The following BCL2 variants were observed in gnomAD, a reference collection of about 807,000 sequenced individuals.
BCL2 encodes the protein apoptosis regulator Bcl-2.
A neutral mutation model predicts 14.2 loss-of-function variants in BCL2; 1 was observed. The observed-to-expected ratio is 0.07, with a 90% confidence interval of 0.02 to 0.33. BCL2 has a LOEUF of 0.33. BCL2 is among the 10% of genes least tolerant of loss of function. The probability of loss-of-function intolerance (pLI) is 0.99; values close to 1 mark genes in which losing one functional copy is unlikely to be tolerated. For synonymous variants in BCL2, 151 were observed against 137.2 expected (o/e 1.10, Z -0.70); for missense variants, 247 against 305.9 (o/e 0.81, Z 1.44).
intron 2 of BCL2, among the ~76,000 whole-genome samples, chr18:63,254,554 T>TAA (rs1163112806): frequency 6.8e-6 from 1 of 146,112 alleles, no homozygotes; most frequent in Non-Finnish European, 1.5e-5. Flanking sequence ...GACCCTGCCT[T>TAA]AAAAAAAAAA....
At chr18:63,210,999 G>A (rs759579366) in intron 2 of BCL2, among the ~76,000 whole-genome samples, 5 of 149,728 alleles carry the variant, frequency 3.3e-5, no homozygotes, top group Admixed American at 6.6e-5. Flanking sequence ...CTTGCTTTCC[G>A]CCCTGAATCT....
At chr18:63,168,135 G>A (rs931681166) in intron 2 of BCL2, among the ~76,000 whole-genome samples, 2 of 152,206 alleles carry the variant, frequency 1.3e-5, no homozygotes, top group Non-Finnish European at 2.9e-5. Flanking sequence ...AGGCAGAGGG[G>A]CCTATTGGAG....
Position 63,123,912 on chromosome 18 carries a change from C to A in BCL2, c.*4713G>T, listed in dbSNP as rs1376026145. ...CACTACAGTCTTATTTATTAATAGT[C>A]TCAGAATTTTCTTGATTGAGCGAGC... On this transcript the variant is annotated 3_prime_UTR_variant, in exon 3 of 3. Transcript: ENST00000333681. 2 of 218,934 alleles carry A rather than the reference C, an allele frequency of 9.1e-6. No homozygotes were observed. The highest frequency in any genetic ancestry group is 1.8e-5 in the Non-Finnish European group (2 of 109,030). The allele number at this position is 218,934 out of a possible 1,614,324, so 13.6% of individuals were successfully genotyped here.
chr18:63,150,468 C>T (rs1350926520), intron 2 of BCL2, among the ~76,000 whole-genome samples: 4 of 152,164 alleles, frequency 2.6e-5, no homozygotes, highest in Non-Finnish European at 4.4e-5. Context: ...TTATTGCTAA[C>T]GTACGTCTTC....
At chr18:63,317,721 C>T in intron 2 of BCL2, 1 of 1,121,858 alleles carries the variant, frequency 8.9e-7, no homozygotes, top group Non-Finnish European at 1.1e-6. Context: ...AAACCTCCCT[C>T]CGGTTCCAAC....
intron 2 of BCL2, among the ~76,000 whole-genome samples, chr18:63,194,952 T>C (rs1338674017): frequency 6.6e-6 from 1 of 152,210 alleles, no homozygotes; most frequent in Non-Finnish European, 1.5e-5. Flanking sequence ...GAAGAGCCAG[T>C]GGTGGCAGGC....
chr18:63,195,880 C>T (rs919775146), intron 2 of BCL2, among the ~76,000 whole-genome samples: 5 of 152,078 alleles, frequency 3.3e-5, no homozygotes, highest in African/African-American at 4.8e-5. Flanking sequence ...CTTTGTCAGA[C>T]GACGTGTCTT....
At chr18:63,284,546 C>T (rs893592705) in intron 2 of BCL2, among the ~76,000 whole-genome samples, 12 of 152,154 alleles carry the variant, frequency 7.9e-5, no homozygotes, top group African/African-American at 2.4e-4. Flanking sequence ...GGCATGTATG[C>T]GCCAGACCCA....
At chr18:63,174,855 T>TA (rs1915316966) in intron 2 of BCL2, among the ~76,000 whole-genome samples, 1 of 149,222 alleles carries the variant, frequency 6.7e-6, no homozygotes, top group Non-Finnish European at 1.5e-5. Context: ...TAAGAAGTTC[T>TA]ACGGTCTTCC....
chr18:63,151,117 T>A (rs1914641769), intron 2 of BCL2: 1 of 152,156 alleles, frequency 6.6e-6, no homozygotes, highest in Non-Finnish European at 1.5e-5. Flanking sequence ...CCCCTTCTTG[T>A]GTTTTTTTCT....
At chr18:63,285,414 C>T (rs113863459) in intron 2 of BCL2, among the ~76,000 whole-genome samples, 129 of 152,292 alleles carry the variant, frequency 8.5e-4, no homozygotes, top group Non-Finnish European at 1.5e-3. Context: ...GTTCTGGGAA[C>T]GGAAGGGGAC....
chr18:63,142,408 T>G (rs1296124961), intron 2 of BCL2, among the ~76,000 whole-genome samples: 1 of 152,258 alleles, frequency 6.6e-6, no homozygotes, highest in Admixed American at 6.5e-5. Context: ...GGAGCCCTGA[T>G]GACCTACCGC....
At chr18:63,222,177 G>C (rs1775971214) in intron 2 of BCL2, among the ~76,000 whole-genome samples, 1 of 151,536 alleles carries the variant, frequency 6.6e-6, no homozygotes, top group Admixed American at 6.6e-5. Flanking sequence ...GGGAGACTGA[G>C]GCAGGAGTAA....
intron 2 of BCL2, among the ~76,000 whole-genome samples, chr18:63,270,399 A>G (rs1911972606): frequency 6.6e-6 from 1 of 152,186 alleles, no homozygotes; most frequent in South Asian, 2.1e-4. Context: ...TTAACAAAGA[A>G]AGAAGAAGCT....
intron 2 of BCL2, among the ~76,000 whole-genome samples, chr18:63,142,287 C>T (rs1430362431): frequency 6.6e-6 from 1 of 152,234 alleles, no homozygotes; most frequent in Admixed American, 6.5e-5. Flanking sequence ...CCTCAGCCAG[C>T]TGGGCACTGC....
intron 2 of BCL2, 30 bp from the exon 3 acceptor site, chr18:63,128,789 A>G (rs1478727031): frequency 1.3e-6 from 1 of 771,966 alleles, no homozygotes; most frequent in African/African-American, 1.7e-5. Context: ...GGGAAGAAAA[A>G]GAAAGAGTAT....
Position 63,245,905 on chromosome 18 carries a change from T to C in BCL2, c.585+72177A>G, listed in dbSNP as rs139443236. Among the ~76,000 whole-genome samples, 6 of 152,348 alleles carry C rather than the reference T, an allele frequency of 3.9e-5. No individual in the cohort carries two copies. In the East Asian group the frequency reaches 1.2e-3, roughly 29 times the overall value. On this transcript the variant is annotated intron_variant, in intron 2 of 2. Transcript: ENST00000333681. Reference sequence around the variant, plus strand: ...CTTAGCCCGATTGAATTTGAAGCTCTAAACTGCTTCTTTCTTCTACTCACA... The same window carrying C: ...CTTAGCCCGATTGAATTTGAAGCTCCAAACTGCTTCTTTCTTCTACTCACA...
chr18:63,186,681 T>C (rs1915600593), intron 2 of BCL2, among the ~76,000 whole-genome samples: 2 of 152,220 alleles, frequency 1.3e-5, no homozygotes, highest in Middle Eastern at 3.2e-3. Flanking sequence ...TCAGTTTTCA[T>C]AGGCAAAAAA....
At position 63,188,690 on chromosome 18, in the gene BCL2, GTAA is replaced by G. The variant is rs200887839; in HGVS notation, c.586-59934_586-59932del. Reference sequence around the variant, plus strand: ...AACAAATCTTAATTTGTATTAATTTGTAATAATATTAATTTCAATTTATAATAC... The same window carrying G: ...AACAAATCTTAATTTGTATTAATTTGTAATATTAATTTCAATTTATAATAC... On this transcript the variant is annotated intron_variant, in intron 2 of 2. Transcript: ENST00000333681. 3.9e-3 allele frequency among the ~76,000 whole-genome samples: 597 copies of G among 151,960 alleles called. 6 individuals carry two copies. Among genetic ancestry groups the G allele is most frequent in the African/African-American group, 0.012 (518 of 41,462 alleles).
Sources: allele counts gnomAD v4.1 joint callset (sites outside exome capture counted in the v4.1 genomes callset), GRCh38; gene constraint gnomAD v4.1.1; transcripts MANE v1.5; gene names NCBI Gene and HGNC (gene_info 2026-07-23, HGNC 2026-07-21).